HIVEP1: variants seen among roughly 807,000 people sequenced by gnomAD.
HIVEP1 encodes zinc finger protein 40.
Under a neutral mutation model 180.0 loss-of-function variants are expected in HIVEP1, and 36 were observed. The ratio of observed to expected loss-of-function variants is 0.20; its 90% CI spans 0.15 to 0.26. The LOEUF (loss-of-function observed/expected upper bound fraction) is 0.26, where lower values mean the gene tolerates loss of function less well. Ranked by LOEUF, HIVEP1 falls within the 10% of genes least tolerant of loss-of-function variation. The probability of loss-of-function intolerance (pLI) is 1.00; values close to 1 mark genes in which losing one functional copy is unlikely to be tolerated. For synonymous variants in HIVEP1, 1,239 were observed against 1,239.0 expected, an observed-to-expected ratio of 1.00 and a Z score of 0.00; for missense variants, 3,143 against 3,268.7, an observed-to-expected ratio of 0.96 and a Z score of 0.94.
At chr6:12,033,743 C>G (rs1315027091) in intron 2 of HIVEP1, among the ~76,000 whole-genome samples, 1 of 152,062 alleles carries the variant, frequency 6.6e-6, no homozygotes, top group East Asian at 1.9e-4. Context: ...TTCTAGAATA[C>G]TTTTTAAAAA....
intron 3 of HIVEP1, among the ~76,000 whole-genome samples, chr6:12,089,714 G>A (rs946089726): frequency 7.2e-5 from 11 of 151,886 alleles, no homozygotes; most frequent in Admixed American, 5.2e-4. Flanking sequence ...GGGGTATCAC[G>A]CAGCTTTGAA....
At chr6:12,056,522 A>G (rs1770883450) in intron 2 of HIVEP1, among the ~76,000 whole-genome samples, 2 of 152,164 alleles carry the variant, frequency 1.3e-5, no homozygotes, top group Admixed American at 6.5e-5. Flanking sequence ...CACTTTACTG[A>G]ATTCTTATTC....
chr6:12,154,877 T>C (rs1009602657), intron 7 of HIVEP1, among the ~76,000 whole-genome samples: 156 of 139,512 alleles, frequency 1.1e-3, no homozygotes, highest in African/African-American at 3.6e-3. Context: ...TGGTAATTTG[T>C]ATCTTCTCTC....
At chr6:12,191,231 T>G in the HIVEP1 span, among the ~76,000 whole-genome samples, 43 of 152,332 alleles carry the variant, frequency 2.8e-4, no homozygotes, top group Admixed American at 1.2e-3. Context: ...CACACTTGTT[T>G]AGGAGCACTG....
intron 7 of HIVEP1, among the ~76,000 whole-genome samples, chr6:12,150,001 C>T (rs1222718561): frequency 6.6e-6 from 1 of 152,104 alleles, no homozygotes; most frequent in Non-Finnish European, 1.5e-5. Flanking sequence ...GAAACGTTTG[C>T]GTTTAATGAA....
chr6:12,016,746 A>G (rs1421502771), intron 2 of HIVEP1, among the ~76,000 whole-genome samples: 3 of 152,216 alleles, frequency 2.0e-5, no homozygotes, highest in South Asian at 2.1e-4. Context: ...TGGTGTGTGG[A>G]AATCTGATTT....
intron 2 of HIVEP1, among the ~76,000 whole-genome samples, chr6:12,024,997 C>G (rs180853999): frequency 1.3e-5 from 2 of 152,334 alleles, no homozygotes; most frequent in African/African-American, 4.8e-5. Flanking sequence ...CCACAGGTCT[C>G]TACTAGGCTC....
At chr6:12,100,071 G>A (rs1192861249) in intron 3 of HIVEP1, among the ~76,000 whole-genome samples, 1 of 152,176 alleles carries the variant, frequency 6.6e-6, no homozygotes, top group Non-Finnish European at 1.5e-5. Flanking sequence ...TGTAAACCTG[G>A]TGGGAGGTTG....
At chr6:12,156,544 G>T (rs1458673301) in intron 7 of HIVEP1, among the ~76,000 whole-genome samples, 1 of 152,098 alleles carries the variant, frequency 6.6e-6, no homozygotes, top group Non-Finnish European at 1.5e-5. Context: ...GGTTGCTGGT[G>T]TGCAGTCTTA....
chr6:12,051,028 A>ATATATATATATATATATATATG (rs1195272910), intron 2 of HIVEP1, among the ~76,000 whole-genome samples: 2 of 136,144 alleles, frequency 1.5e-5, no homozygotes, highest in Admixed American at 1.4e-4. Flanking sequence ...ATATATATAT[A>ATATATATATATATATATATATG]TATGTATATT....
chr6:12,074,375 G>C (rs1472362264), intron 2 of HIVEP1, among the ~76,000 whole-genome samples: 1 of 152,078 alleles, frequency 6.6e-6, no homozygotes. Flanking sequence ...TTTCCGTATG[G>C]CAAAATAAGA....
chr6:12,195,690 A>T, the HIVEP1 span, among the ~76,000 whole-genome samples: 2 of 133,256 alleles, frequency 1.5e-5, no homozygotes, highest in East Asian at 4.5e-4. Context: ...CTCAGAAAGG[A>T]AATCATGGTG....
At chr6:12,168,129 T>C (rs200536469), downstream of HIVEP1, among the ~76,000 whole-genome samples, 15 of 33,060 alleles carry the variant, frequency 4.5e-4, 1 homozygote, top group East Asian at 2.5e-3. Context: ...TATACATATA[T>C]ACGTGTATAT....
Position 12,050,663 on chromosome 6 carries a change from A to G in HIVEP1, c.40+34995A>G, listed in dbSNP as rs375255862. On this transcript the variant is annotated intron_variant, in intron 2 of 8. Coordinates refer to ENST00000379388, the MANE Select transcript of HIVEP1 (RefSeq NM_002114.4). ...CATCCTCTCCTCAAGAATCATAAAC[A>G]TCTTTCTTTGCTTTCAAGATTAGCT... Among the ~76,000 whole-genome samples the G allele has an allele frequency of 1.1e-4, 17 of 151,954 alleles. 1 individual carries two copies. The highest frequency in any genetic ancestry group is 3.9e-4 in the East Asian group (2 of 5,164).
intron 7 of HIVEP1, among the ~76,000 whole-genome samples, chr6:12,147,273 C>T (rs1382960357): frequency 6.6e-6 from 1 of 152,190 alleles, no homozygotes; most frequent in East Asian, 1.9e-4. Context: ...CCCATTTCTT[C>T]ATGTTCTGAC....
At chr6:12,140,437 T>C (rs1367674950) in intron 7 of HIVEP1, among the ~76,000 whole-genome samples, 1 of 152,060 alleles carries the variant, frequency 6.6e-6, no homozygotes, top group Non-Finnish European at 1.5e-5. Context: ...CATCTGAAAA[T>C]TCTGAAAACC....
chr6:12,123,734 T>G lies in HIVEP1; in HGVS notation c.3939T>G (p.Ser1313=), dbSNP rs1757860638. 6.2e-7 allele frequency: 1 copy of G among 1,614,018 alleles called. No individual in the cohort carries two copies. Among genetic ancestry groups the G allele is most frequent in the African/African-American group, 1.3e-5 (1 of 74,926 alleles). The change falls in exon 4 of 9, where the codon TCT becomes TCG. Residue 1313 remains serine (S), a synonymous_variant. Coordinates refer to ENST00000379388, the MANE Select transcript of HIVEP1 (RefSeq NM_002114.4). ...GTCTAAGTAGGGAGAGCAGTTTATC[T>G]CACACTTCAAGTTTCTCAGCCTCTT... ...SRSLSRESSL[S]HTSSFSASLD...
At chr6:12,166,566 A>C (rs1395667790), downstream of HIVEP1, among the ~76,000 whole-genome samples, 3 of 152,206 alleles carry the variant, frequency 2.0e-5, no homozygotes, top group Non-Finnish European at 4.4e-5. Context: ...GCAGCTCTAT[A>C]AAAAATATTA....
intron 2 of HIVEP1, among the ~76,000 whole-genome samples, chr6:12,059,643 T>C (rs1222173890): frequency 6.6e-6 from 1 of 152,166 alleles, no homozygotes; most frequent in Non-Finnish European, 1.5e-5. Context: ...CTAACCATCA[T>C]GCTTTTCCCT....
Sources: allele counts gnomAD v4.1 joint callset (sites outside exome capture counted in the v4.1 genomes callset), GRCh38; gene constraint gnomAD v4.1.1; transcripts MANE v1.5; gene names NCBI Gene and HGNC (gene_info 2026-07-23, HGNC 2026-07-21).